The following COBL variants were observed in gnomAD, a reference collection of about 807,000 sequenced individuals.
The protein encoded by COBL is cordon-bleu WH2 repeat protein.
A neutral mutation model predicts 98.8 loss-of-function variants in COBL; 51 were observed. The ratio of observed to expected loss-of-function variants is 0.52; its 90% CI spans 0.41 to 0.65. The LOEUF (loss-of-function observed/expected upper bound fraction) is 0.65. Ranked by LOEUF, COBL falls within the 30% of genes least tolerant of loss-of-function variation. The pLI, the probability that COBL is intolerant of heterozygous loss-of-function variation, is 0.00. For synonymous variants in COBL, 634 were observed against 651.7 expected (o/e 0.97, Z 0.41); for missense variants, 1,617 against 1,617.5 (o/e 1.00, Z 0.01).
At chr7:51,276,991 G>A (rs1176767306) in intron 1 of COBL, among the ~76,000 whole-genome samples, 1 of 152,168 alleles carries the variant, frequency 6.6e-6, no homozygotes, top group East Asian at 1.9e-4. Context: ...CACACAGATG[G>A]TGAGGGCCAG....
At chr7:51,202,455 T>C (rs1012653078) in intron 2 of COBL, among the ~76,000 whole-genome samples, 3 of 152,188 alleles carry the variant, frequency 2.0e-5, no homozygotes, top group Non-Finnish European at 4.4e-5. Context: ...AATTTTATTA[T>C]AGATGTGTAT....
chr7:51,064,133 T>C (rs998102141), intron 7 of COBL, among the ~76,000 whole-genome samples: 1 of 152,210 alleles, frequency 6.6e-6, no homozygotes, highest in Admixed American at 6.5e-5. Flanking sequence ...TCCCTGACAA[T>C]TGATCAGTGC....
intron 1 of COBL, among the ~76,000 whole-genome samples, chr7:51,283,963 T>C (rs1234833262): frequency 6.6e-6 from 1 of 151,130 alleles, no homozygotes; most frequent in Non-Finnish European, 1.5e-5. Context: ...AGATGCAAAA[T>C]TCCTCAAAAA....
intron 6 of COBL, among the ~76,000 whole-genome samples, chr7:51,098,597 T>C (rs1391201889): frequency 1.3e-5 from 2 of 152,126 alleles, no homozygotes; most frequent in East Asian, 1.9e-4. Flanking sequence ...CCGTTAACCA[T>C]ATAAAAAAAT....
At chr7:51,087,987 CTG>C (rs1225084638) in intron 6 of COBL, among the ~76,000 whole-genome samples, 2 of 152,084 alleles carry the variant, frequency 1.3e-5, no homozygotes, top group Non-Finnish European at 2.9e-5. Flanking sequence ...CATTACTCCA[CTG>C]TCTCCTAGTT....
At chr7:51,247,297 C>T (rs1017996137) in intron 1 of COBL, among the ~76,000 whole-genome samples, 3 of 152,174 alleles carry the variant, frequency 2.0e-5, no homozygotes, top group African/African-American at 4.8e-5. Context: ...CTCAGTGGTG[C>T]TGTCTCTTCA....
At chr7:51,179,708 CA>C (rs765911051) in intron 5 of COBL, among the ~76,000 whole-genome samples, 1 of 152,056 alleles carries the variant, frequency 6.6e-6, no homozygotes, top group South Asian at 2.1e-4. Flanking sequence ...AAGAAGATCA[CA>C]AAAAGCACTC....
intron 6 of COBL, 89 bp from the exon 7 acceptor site, chr7:51,085,393 C>T (rs1042576960): frequency 7.3e-6 from 10 of 1,364,532 alleles, no homozygotes; most frequent in Non-Finnish European, 1.0e-5. Flanking sequence ...TGTGCTGGGG[C>T]AGGGACCTGC....
chr7:51,108,972 A>G (rs1267056943), intron 6 of COBL, among the ~76,000 whole-genome samples: 1 of 133,650 alleles, frequency 7.5e-6, no homozygotes. Flanking sequence ...TGCCCCATGA[A>G]GTTTACTGAA....
At chr7:51,215,407 A>G (rs1792934877) in intron 2 of COBL, among the ~76,000 whole-genome samples, 1 of 152,198 alleles carries the variant, frequency 6.6e-6, no homozygotes, top group Admixed American at 6.5e-5. Flanking sequence ...TTAAGCCCAC[A>G]CAAATAAAGC....
At chr7:51,181,720 T>C (rs1788973318) in intron 5 of COBL, among the ~76,000 whole-genome samples, 1 of 152,164 alleles carries the variant, frequency 6.6e-6, no homozygotes, top group Non-Finnish European at 1.5e-5. Context: ...CCCCTTGCAA[T>C]CCACAGAGAG....
At chr7:51,032,339 G>T (rs1788244689) in intron 8 of COBL, 1 of 152,248 alleles carries the variant, frequency 6.6e-6, no homozygotes, top group Admixed American at 6.5e-5. Context: ...TTTAAAAACT[G>T]TCTTTGCAAG....
chr7:51,142,267 T>C (rs1799830478), intron 5 of COBL, among the ~76,000 whole-genome samples: 1 of 152,078 alleles, frequency 6.6e-6, no homozygotes, highest in Non-Finnish European at 1.5e-5. Flanking sequence ...AGCTATTTGG[T>C]CTGGATGCAT....
Position 51,242,275 on chromosome 7 carries a change from G to C in COBL, c.42-22331C>G, listed in dbSNP as rs115708666. Among the ~76,000 whole-genome samples the C allele has an allele frequency of 2.8e-3, 429 of 152,308 alleles. 7 individuals are homozygous for C. Among genetic ancestry groups the C allele is most frequent in the African/African-American group, 9.9e-3 (410 of 41,558 alleles). On this transcript the variant is annotated intron_variant, in intron 1 of 12. Transcript: ENST00000265136. ...AGGGTGTACACCAAGTAACCAATGGGAAATCTTCAGAGGGTATTTAAACCC... is the reference window on the plus strand; with the variant it reads ...AGGGTGTACACCAAGTAACCAATGGCAAATCTTCAGAGGGTATTTAAACCC...
At chr7:51,201,589 A>G (rs1338445093) in intron 2 of COBL, among the ~76,000 whole-genome samples, 3 of 152,224 alleles carry the variant, frequency 2.0e-5, no homozygotes, top group Non-Finnish European at 2.9e-5. Flanking sequence ...AGTAAACAGA[A>G]TAACTGAAAA....
chr7:51,040,293 T>C (rs1789054946), intron 8 of COBL, among the ~76,000 whole-genome samples: 1 of 150,484 alleles, frequency 6.6e-6, no homozygotes, highest in African/African-American at 2.5e-5. Context: ...CACAAAACTA[T>C]AGTAATTCCA....
chr7:51,098,220 G>GTTTTTTTTTTTTTTTTTTTTTTTTT (rs1276606651), intron 6 of COBL, among the ~76,000 whole-genome samples: 6 of 52,298 alleles, frequency 1.1e-4, no homozygotes, highest in African/African-American at 6.7e-4. Flanking sequence ...CCCAATAGCA[G>GTTTTTTTTTTTTTTTTTTTTTTTTT]TTTCTTTTTT....
Position 51,219,790 on chromosome 7 carries a change from T to C in COBL, c.196A>G (p.Thr66Ala). ...EALRASTMDV[T>A]VVLPSGLEKR... ...TCCAGCCCACTAGGCAGGACCACGGTGACGTCCATGGTGCTGGCCCTCAGC... is the reference window on the plus strand; with the variant it reads ...TCCAGCCCACTAGGCAGGACCACGGCGACGTCCATGGTGCTGGCCCTCAGC... The change falls in exon 2 of 13, where the codon ACC (threonine) becomes GCC (alanine). Residue 66 changes from threonine to alanine, a missense_variant. By Grantham distance (58) the Thr-to-Ala change is moderately conservative. Coordinates refer to ENST00000265136, the MANE Select transcript of COBL (RefSeq NM_015198.5). 1.2e-6 allele frequency: 2 copies of C among 1,614,134 alleles called. No individual in the cohort carries two copies. The highest frequency in any genetic ancestry group is 2.2e-5 in the East Asian group (1 of 44,856).
chr7:51,121,959 C>G (rs1417768024), intron 6 of COBL, among the ~76,000 whole-genome samples: 1 of 152,146 alleles, frequency 6.6e-6, no homozygotes, highest in African/African-American at 2.4e-5. Context: ...AGGATAAGAA[C>G]AGCATACTTA....
Sources: allele counts gnomAD v4.1 joint callset (sites outside exome capture counted in the v4.1 genomes callset), GRCh38; gene constraint gnomAD v4.1.1; transcripts MANE v1.5; gene names NCBI Gene and HGNC (gene_info 2026-07-23, HGNC 2026-07-21).